Variants in ZNF578 observed in about 807,000 individuals in gnomAD.
ZNF578 encodes the protein Putative chemokine-related protein B42.
ZNF578 carries 8 observed loss-of-function variants against 8.3 expected under a neutral mutation model. The observed-to-expected ratio is 0.96, with a 90% CI of 0.56 to 1.74. The LOEUF is 1.74. Ranked by LOEUF, ZNF578 falls within the 40% of genes most tolerant of loss-of-function variation. The pLI is 0.00. For missense variants in ZNF578, 726 were observed against 707.5 expected, an observed-to-expected ratio of 1.03 and a Z score of -0.30; for synonymous variants, 206 against 232.2, an observed-to-expected ratio of 0.89 and a Z score of 1.03.
At chr19:52,491,956 C>G (rs1230276513) in intron 3 of ZNF578, among the ~76,000 whole-genome samples, 1 of 151,462 alleles carries the variant, frequency 6.6e-6, no homozygotes, top group Non-Finnish European at 1.5e-5. Context: ...GTCAGGAGAT[C>G]GAGACCATCC....
At chr19:52,495,835 G>A (rs550460739) in intron 3 of ZNF578, among the ~76,000 whole-genome samples, 1 of 151,260 alleles carries the variant, frequency 6.6e-6, no homozygotes, top group Non-Finnish European at 1.5e-5. Flanking sequence ...TGACTCATTC[G>A]TTGTGGATCA....
Position 52,500,619 on chromosome 19 carries a change from G to A in ZNF578, c.-19-1208G>A, listed in dbSNP as rs111857507. Among the ~76,000 whole-genome samples, 1,101 of 152,096 alleles carry A rather than the reference G, an allele frequency of 7.2e-3. 16 individuals carry two copies. Among genetic ancestry groups the A allele is most frequent in the African/African-American group, 0.025 (1,021 of 41,462 alleles). On this transcript the variant is annotated intron_variant, in intron 3 of 5. Coordinates refer to ENST00000421239, the MANE Select transcript of ZNF578 (RefSeq NM_001099694.2). ...GACGGTGTCGACCTCTTGACCCCAA[G>A]TGATCTGCCTTCCTCGGCCTCCCAC... is the stretch of plus-strand genomic sequence containing the variant.
intron 1 of ZNF578, chr19:52,453,856 C>T (rs916911058): frequency 1.0e-4 from 16 of 152,408 alleles, no homozygotes; most frequent in Non-Finnish European, 1.9e-4. Flanking sequence ...ACTGACCACT[C>T]CTTCGGTCCC....
At position 52,482,793 on chromosome 19, in the gene ZNF578, G is replaced by A. The variant is rs180912061; in HGVS notation, c.-121-8531G>A. ...CTCTACCAAAAGTACAAAAATTAGC[G>A]GGGTGTGGTGGTACATGCCTCTAAT... is the stretch of plus-strand genomic sequence containing the variant. On this transcript the variant is annotated intron_variant, in intron 2 of 5. Transcript: ENST00000421239. Among the ~76,000 whole-genome samples the A allele has an allele frequency of 1.5e-3, 230 of 151,738 alleles. 1 individual carries two copies. Among genetic ancestry groups the A allele is most frequent in the Admixed American group, 2.4e-3 (36 of 15,236 alleles).
chr19:52,460,635 C>G (rs1031318214), intron 2 of ZNF578, among the ~76,000 whole-genome samples: 2 of 152,140 alleles, frequency 1.3e-5, no homozygotes, highest in African/African-American at 2.4e-5. Flanking sequence ...AGTGCAAAAA[C>G]TTTAAGTTGG....
intron 2 of ZNF578, chr19:52,474,769 A>G: frequency 5.1e-6 from 1 of 195,662 alleles, no homozygotes; most frequent in South Asian, 8.5e-5. Flanking sequence ...AGTGAGGTCT[A>G]ACCACTCGTT....
In ZNF578 at chr19:52,510,991, A is replaced by C; in HGVS notation, c.610A>C (p.Thr204Pro). The stretch of plus-strand genomic sequence containing the variant: ...AATTTCTTGTAGGCCTGAAACACAT[A>C]CTCCTAATAACTATGGGAATAATTT... ...QRISCRPETH[T>P]PNNYGNNFFH... The change falls in exon 6 of 6, where the codon ACT becomes CCT. Residue 204 changes from threonine to proline, a missense_variant. Transcript: ENST00000421239. The C allele has an allele frequency of 6.2e-7, 1 of 1,614,056 alleles. No homozygotes were observed. Among genetic ancestry groups the C allele is most frequent in the Non-Finnish European group, 8.5e-7 (1 of 1,180,004 alleles).
At position 52,516,456 on chromosome 19, in the gene ZNF578, G is replaced by A. The variant is rs1242927965; in HGVS notation, c.*4302G>A. Among the ~76,000 whole-genome samples, 1 of 152,178 alleles carries A rather than the reference G, an allele frequency of 6.6e-6. No homozygotes were observed. Among genetic ancestry groups the A allele is most frequent in the African/African-American group, 2.4e-5 (1 of 41,430 alleles). On this transcript the variant is annotated 3_prime_UTR_variant, in exon 6 of 6. Coordinates refer to ENST00000421239, the MANE Select transcript of ZNF578 (RefSeq NM_001099694.2). Reference sequence around the variant, plus strand: ...CCATGGTGAGGAGGGCCGCAGGGGGGACTGTATTTGCTCAGGGTGAGGTCT... The same window carrying A: ...CCATGGTGAGGAGGGCCGCAGGGGGAACTGTATTTGCTCAGGGTGAGGTCT...
At chr19:52,494,792 G>GA (rs928762579) in intron 3 of ZNF578, among the ~76,000 whole-genome samples, 89 of 150,156 alleles carry the variant, frequency 5.9e-4, no homozygotes, top group African/African-American at 1.7e-3. Context: ...CAGTGATGTG[G>GA]AAAAAAAAAT....
At chr19:52,492,130 C>T (rs11665776) in intron 3 of ZNF578, among the ~76,000 whole-genome samples, 21,147 of 138,020 alleles carry the variant, frequency 0.15, 2,090 homozygotes, top group East Asian at 0.37. Context: ...TGCACTCCAG[C>T]CTGGGCGACA....
intron 5 of ZNF578, among the ~76,000 whole-genome samples, chr19:52,505,676 G>A (rs182084434): frequency 6.6e-6 from 1 of 152,084 alleles, no homozygotes; most frequent in Middle Eastern, 3.4e-3. Flanking sequence ...CACTCTCCTC[G>A]ACCTCCCAAA....
intron 2 of ZNF578, among the ~76,000 whole-genome samples, chr19:52,486,360 G>A (rs752956995): frequency 1.3e-5 from 2 of 152,156 alleles, no homozygotes; most frequent in Non-Finnish European, 2.9e-5. Flanking sequence ...CAGTGCCGTC[G>A]TGGGTCCTCC....
At chr19:52,478,862 G>A (rs1003758064) in intron 2 of ZNF578, among the ~76,000 whole-genome samples, 2 of 151,702 alleles carry the variant, frequency 1.3e-5, no homozygotes, top group African/African-American at 4.8e-5. Flanking sequence ...TACAGGTGCC[G>A]GCCACCAGTC....
intron 3 of ZNF578, among the ~76,000 whole-genome samples, chr19:52,491,723 T>G (rs62119309): frequency 0.2 from 29,469 of 151,014 alleles, 3,472 homozygotes; most frequent in Non-Finnish European, 0.26. Context: ...AAAAATAAAA[T>G]AAAAGAAAAA....
rs1399426612 is a variant in ZNF578 at position 52,516,244 on chromosome 19, C to G, written c.*4090C>G. On this transcript the variant is annotated 3_prime_UTR_variant, in exon 6 of 6. Transcript: ENST00000421239. The stretch of plus-strand genomic sequence containing the variant: ...TCCTGAGCTCAAGTGATCTACCCAC[C>G]TCGGCCTCCTAGAGTGCTGGGATGA... Among the ~76,000 whole-genome samples the G allele has an allele frequency of 6.6e-6, 1 of 152,190 alleles. No individual in the cohort carries two copies. Among genetic ancestry groups the G allele is most frequent in the African/African-American group, 2.4e-5 (1 of 41,444 alleles).
chr19:52,486,634 AGTGGTGCTTGT>A (rs2059346815), intron 2 of ZNF578, among the ~76,000 whole-genome samples: 1 of 152,020 alleles, frequency 6.6e-6, no homozygotes. Context: ...GACAGAGCAG[AGTGGTGCTTGT>A]GTCAAGGAGA....
chr19:52,502,237 G>C (rs1440718866), intron 4 of ZNF578, among the ~76,000 whole-genome samples: 2 of 152,118 alleles, frequency 1.3e-5, no homozygotes, highest in East Asian at 3.9e-4. Flanking sequence ...ATTGTTCAGG[G>C]GCCATATCTG....
rs149790009 is a variant in ZNF578, at chr19:52,474,213, C to T, written c.-121-17111C>T. ...ATAAGGCCTGAATAGTCACTAAATG[C>T]TTTGCCACATTCAATATATTTGTAA... On this transcript the variant is annotated intron_variant, in intron 2 of 5. Coordinates refer to ENST00000421239, the MANE Select transcript of ZNF578 (RefSeq NM_001099694.2). 1.9e-3 allele frequency: 586 copies of T among 305,050 alleles called. 3 individuals carry two copies. The highest frequency in any genetic ancestry group is 0.012 in the African/African-American group (543 of 45,508). 18.9% of individuals were successfully genotyped at this position (305,050 alleles called of 1,614,324 possible).
At chr19:52,470,603 G>A (rs1208449736) in intron 2 of ZNF578, among the ~76,000 whole-genome samples, 1 of 152,070 alleles carries the variant, frequency 6.6e-6, no homozygotes, top group Non-Finnish European at 1.5e-5. Flanking sequence ...CCTCAGTGTG[G>A]GTGGGCACCA....
Sources: gnomAD v4.1 joint callset for allele counts (sites outside exome capture counted in the v4.1 genomes callset) on GRCh38, gnomAD v4.1.1 for gene constraint, MANE v1.5 for transcripts, NCBI Gene and HGNC (gene_info 2026-07-23, HGNC 2026-07-21) for gene names.